Variants in UVRAG observed in about 807,000 individuals in gnomAD.
UVRAG encodes UV radiation resistance-associated gene protein.
A neutral mutation model predicts 78.0 loss-of-function variants in UVRAG; 19 were observed. The ratio of observed to expected loss-of-function variants is 0.24; its 90% confidence interval spans 0.17 to 0.36. The LOEUF is 0.36. Among genes scored for constraint, UVRAG ranks in the 10% least tolerant of loss-of-function variants. UVRAG has a pLI of 1.00. For synonymous variants in UVRAG, 323 were observed against 324.6 expected, an observed-to-expected ratio of 1.00 and a Z score of 0.05; for missense variants, 740 against 853.8, an observed-to-expected ratio of 0.87 and a Z score of 1.66.
At chr11:76,028,598 T>C (rs1950375739) in intron 12 of UVRAG, among the ~76,000 whole-genome samples, 2 of 152,122 alleles carry the variant, frequency 1.3e-5, no homozygotes. Context: ...ATTGCTGATA[T>C]GGATAGAGTT....
intron 8 of UVRAG, among the ~76,000 whole-genome samples, chr11:75,994,614 T>C (rs1361232050): frequency 6.6e-6 from 1 of 152,242 alleles, no homozygotes; most frequent in Non-Finnish European, 1.5e-5. Flanking sequence ...TAAAATAGTC[T>C]TAAGATATCT....
chr11:75,884,240 T>TCTCTCTTTCTCTCTCTC (rs1555080662), intron 4 of UVRAG, among the ~76,000 whole-genome samples: 1 of 132,470 alleles, frequency 7.5e-6, no homozygotes, highest in South Asian at 2.6e-4. Context: ...CTCTCTCTCT[T>TCTCTCTTTCTCTCTCTC]TCTCTCTCTC....
At chr11:76,050,805 A>T (rs924352781) in intron 12 of UVRAG, among the ~76,000 whole-genome samples, 1 of 152,122 alleles carries the variant, frequency 6.6e-6, no homozygotes, top group Admixed American at 6.6e-5. Flanking sequence ...TTTCACAGCA[A>T]TCCTTAAAGA....
chr11:76,063,496 A>G (rs1158446936), intron 12 of UVRAG, among the ~76,000 whole-genome samples: 1 of 152,202 alleles, frequency 6.6e-6, no homozygotes, highest in Non-Finnish European at 1.5e-5. Context: ...ATTGCTTTCT[A>G]ATTCCTTGAT....
chr11:75,888,424 G>T (rs991541684), intron 4 of UVRAG, among the ~76,000 whole-genome samples: 1 of 152,132 alleles, frequency 6.6e-6, no homozygotes, highest in East Asian at 1.9e-4. Context: ...GAATATAGGC[G>T]TGAGCTACTG....
intron 6 of UVRAG, among the ~76,000 whole-genome samples, chr11:75,938,274 A>G (rs544063488): frequency 6.6e-6 from 1 of 152,262 alleles, no homozygotes; most frequent in South Asian, 2.1e-4. Flanking sequence ...CATATAAATT[A>G]TAGTTGTAAT....
chr11:75,949,999 A>G (rs946739856), intron 6 of UVRAG, among the ~76,000 whole-genome samples: 2 of 152,108 alleles, frequency 1.3e-5, no homozygotes, highest in Non-Finnish European at 2.9e-5. Flanking sequence ...AAGTGGAGTC[A>G]TACGGGGCAC....
At chr11:75,924,532 G>A (rs981746659) in intron 6 of UVRAG, among the ~76,000 whole-genome samples, 2 of 151,692 alleles carry the variant, frequency 1.3e-5, no homozygotes, top group Admixed American at 6.6e-5. Flanking sequence ...ACTTACAGGC[G>A]CCCACCACCA....
chr11:75,995,144 A>G (rs78229804), intron 8 of UVRAG, among the ~76,000 whole-genome samples: 9,968 of 151,556 alleles, frequency 0.066, 612 homozygotes, highest in African/African-American at 0.17. Context: ...TTATAAGTTT[A>G]ATGCTGATGA....
At chr11:76,007,385 G>T (rs984210629) in intron 9 of UVRAG, 149 bp from the exon 10 acceptor site, 1 of 618,356 alleles carries the variant, frequency 1.6e-6, no homozygotes, top group Non-Finnish European at 2.8e-6. Flanking sequence ...CAAGACTTAC[G>T]GTAACTATTA....
At chr11:76,078,455 A>AT (rs201489284) in intron 13 of UVRAG, among the ~76,000 whole-genome samples, 285 of 151,934 alleles carry the variant, frequency 1.9e-3, no homozygotes, top group African/African-American at 6.6e-3. Context: ...TTGGTTTAAA[A>AT]ATATATATAT....
At chr11:75,834,464 TTG>T (rs1453908251) in intron 1 of UVRAG, among the ~76,000 whole-genome samples, 1 of 152,074 alleles carries the variant, frequency 6.6e-6, no homozygotes, top group Non-Finnish European at 1.5e-5. Flanking sequence ...CTCTAATTCT[TTG>T]TGTGTGTGTA....
At chr11:76,132,324 T>G (rs1016019354) in intron 14 of UVRAG, among the ~76,000 whole-genome samples, 1 of 152,186 alleles carries the variant, frequency 6.6e-6, no homozygotes, top group African/African-American at 2.4e-5. Context: ...TTTTAAATAT[T>G]CTTATTCCAC....
At chr11:76,055,818 C>T (rs1418580070) in intron 12 of UVRAG, among the ~76,000 whole-genome samples, 2 of 152,064 alleles carry the variant, frequency 1.3e-5, no homozygotes, top group Admixed American at 1.3e-4. Flanking sequence ...CATGCTATTC[C>T]CCTGCCTCAG....
At chr11:76,131,269 G>T (rs868546042) in intron 14 of UVRAG, among the ~76,000 whole-genome samples, 1 of 152,128 alleles carries the variant, frequency 6.6e-6, no homozygotes, top group Non-Finnish European at 1.5e-5. Context: ...CTTTATCTCC[G>T]TGGAGGATCA....
chr11:75,932,208 C>G (rs770893493), intron 6 of UVRAG, among the ~76,000 whole-genome samples: 1 of 151,970 alleles, frequency 6.6e-6, no homozygotes, highest in Admixed American at 6.6e-5. Flanking sequence ...ATTAAAAATC[C>G]GCTAAGCAAA....
At chr11:76,003,257 ATTTTTTTTTTTTTTTT>A (rs398045280) in intron 8 of UVRAG, among the ~76,000 whole-genome samples, 21 of 53,786 alleles carry the variant, frequency 3.9e-4, no homozygotes, top group South Asian at 1.1e-3. Flanking sequence ...GAAAATACTG[ATTTTTTTTTTTTTTTT>A]TTTTTTTTTT....
chr11:76,141,684 C>G lies in UVRAG; in HGVS notation c.*271C>G. The G allele has an allele frequency of 2.2e-6, 1 of 451,880 alleles. No homozygotes were observed. The highest frequency in any genetic ancestry group is 3.0e-5 in the South Asian group (1 of 33,668). The allele number at this position is 451,880 out of a possible 1,614,324, so 28.0% of individuals were successfully genotyped here. On this transcript the variant is annotated 3_prime_UTR_variant, in exon 15 of 15. Transcript: ENST00000356136. ...TGAAAGAGCTTACAGCTCGAGTCAC[C>G]TTTTAGCTATTTGTCTGCTTTTTAT...
chr11:76,047,838 G>GGT (rs1390302019), intron 12 of UVRAG, among the ~76,000 whole-genome samples: 1 of 152,162 alleles, frequency 6.6e-6, no homozygotes, highest in African/African-American at 2.4e-5. Context: ...AAGTCATTAT[G>GGT]GTGTGTGTAC....
Sources: gnomAD v4.1 joint callset for allele counts (sites outside exome capture counted in the v4.1 genomes callset) on GRCh38, gnomAD v4.1.1 for gene constraint, MANE v1.5 for transcripts, NCBI Gene and HGNC (gene_info 2026-07-23, HGNC 2026-07-21) for gene names.